The following STK32B variants were observed in gnomAD, a reference collection of about 807,000 sequenced individuals.
STK32B encodes the protein serine/threonine kinase 32B, also known as serine/threonine-protein kinase 32B.
In STK32B, 43 loss-of-function variants were observed where a neutral mutation model predicts 52.6. That is an observed-to-expected ratio of 0.82 (90% CI 0.64 to 1.05). The LOEUF (loss-of-function observed/expected upper bound fraction) is 1.05, where lower values mean the gene tolerates loss of function less well. Among genes scored for constraint, STK32B ranks in the 50% least tolerant of loss-of-function variants. The pLI is 0.00. For synonymous variants in STK32B, 238 were observed against 204.3 expected, an observed-to-expected ratio of 1.17 and a Z score of -1.41; for missense variants, 621 against 534.6, an observed-to-expected ratio of 1.16 and a Z score of -1.59.
rs61729661 is a variant in STK32B, at chr4:5,499,006, C to A, written c.1168C>A (p.Gln390Lys). 1,969 of 1,613,882 alleles carry A rather than the reference C, an allele frequency of 1.2e-3. 20 individuals carry two copies. In the African/African-American group the frequency reaches 0.022, roughly 18 times the overall value. ...LLDTDSRGGG[Q>K]AQSKLQDGCN... The stretch of plus-strand genomic sequence containing the variant: ...GGACACCGACAGCCGAGGGGGAGGC[C>A]AGGCCCAAAGCAAGCTCCAGGACGG... The change falls in exon 12 of 12, where the codon CAG (glutamine) becomes AAG (lysine). Residue 390 changes from glutamine to lysine, a missense_variant. Transcript: ENST00000282908.
chr4:5,246,725 T>C (rs1322364525), intron 3 of STK32B, among the ~76,000 whole-genome samples: 1 of 152,246 alleles, frequency 6.6e-6, no homozygotes, highest in Admixed American at 6.5e-5. Flanking sequence ...TGGTCTTTGA[T>C]GATGGTGACA....
intron 3 of STK32B, among the ~76,000 whole-genome samples, chr4:5,196,334 GTTTTTT>G (rs35605834): frequency 3.4e-5 from 3 of 87,714 alleles, no homozygotes; most frequent in African/African-American, 5.2e-5. Flanking sequence ...TCTTTCTTCA[GTTTTTT>G]TTTTTTTTTT....
At chr4:5,120,397 A>G (rs1714963781) in intron 1 of STK32B, among the ~76,000 whole-genome samples, 1 of 152,200 alleles carries the variant, frequency 6.6e-6, no homozygotes, top group South Asian at 2.1e-4. Context: ...ACAAGAAGAG[A>G]TTTTGAAAGA....
intron 3 of STK32B, among the ~76,000 whole-genome samples, chr4:5,189,158 C>T (rs908904156): frequency 1.3e-5 from 2 of 152,160 alleles, no homozygotes; most frequent in African/African-American, 2.4e-5. Context: ...GGTGGCACAT[C>T]ACTATCACCC....
chr4:5,062,439 T>C (rs1384274265), intron 1 of STK32B, among the ~76,000 whole-genome samples: 1 of 152,188 alleles, frequency 6.6e-6, no homozygotes, highest in Non-Finnish European at 1.5e-5. Context: ...CTGAAGCTCC[T>C]TGAATGTCCT....
chr4:5,033,443 C>T, the STK32B span, among the ~76,000 whole-genome samples: 2,818 of 152,304 alleles, frequency 0.019, 97 homozygotes, highest in African/African-American at 0.065. Context: ...AGCCAACACA[C>T]ACCCCAGGGC....
At chr4:5,052,156 C>T (rs190132842) in intron 1 of STK32B, among the ~76,000 whole-genome samples, 203 of 152,272 alleles carry the variant, frequency 1.3e-3, no homozygotes, top group African/African-American at 4.6e-3. Flanking sequence ...ACTGGGGAGG[C>T]GGCTTCAGAG....
intron 3 of STK32B, among the ~76,000 whole-genome samples, chr4:5,316,853 T>A (rs372321056): frequency 3.1e-3 from 1 of 326 alleles, no homozygotes; most frequent in African/African-American, 0.031. Context: ...TATAATATAT[T>A]ATATATATTA....
At chr4:5,234,312 G>A (rs1003001529) in intron 3 of STK32B, among the ~76,000 whole-genome samples, 8 of 152,186 alleles carry the variant, frequency 5.3e-5, no homozygotes, top group African/African-American at 1.9e-4. Flanking sequence ...TCTGAAATGA[G>A]CTATTGTATA....
chr4:5,486,706 C>A (rs868712088), intron 11 of STK32B, among the ~76,000 whole-genome samples: 1 of 152,218 alleles, frequency 6.6e-6, no homozygotes, highest in East Asian at 1.9e-4. Context: ...GGGAGCTGTA[C>A]ACTGGAGCAG....
chr4:5,172,369 G>T (rs1185679768), intron 3 of STK32B, among the ~76,000 whole-genome samples: 1 of 152,126 alleles, frequency 6.6e-6, no homozygotes, highest in African/African-American at 2.4e-5. Context: ...GTGAGAGAGG[G>T]CATCCGTGTC....
At chr4:5,198,930 T>C (rs1299214344) in intron 3 of STK32B, among the ~76,000 whole-genome samples, 1 of 149,702 alleles carries the variant, frequency 6.7e-6, no homozygotes, top group African/African-American at 2.6e-5. Context: ...CCTTCCTAAT[T>C]ATGTACTTTT....
chr4:5,442,970 A>T (rs1261711003), intron 6 of STK32B, among the ~76,000 whole-genome samples: 3 of 151,648 alleles, frequency 2.0e-5, no homozygotes, highest in Non-Finnish European at 4.4e-5. Context: ...CTGCCGAGAG[A>T]TCCGCTGTTA....
chr4:5,253,733 T>C (rs933199823), intron 3 of STK32B, among the ~76,000 whole-genome samples: 7 of 152,106 alleles, frequency 4.6e-5, no homozygotes, highest in Non-Finnish European at 7.4e-5. Context: ...ACAATGTACA[T>C]AGAGTTAACA....
At chr4:5,480,439 C>A (rs1362152762) in intron 11 of STK32B, among the ~76,000 whole-genome samples, 1 of 152,106 alleles carries the variant, frequency 6.6e-6, no homozygotes, top group African/African-American at 2.4e-5. Flanking sequence ...CAGGACAACT[C>A]AAAGCAGGGT....
At chr4:5,048,896 C>T (rs1281796409), upstream of STK32B, among the ~76,000 whole-genome samples, 2 of 152,224 alleles carry the variant, frequency 1.3e-5, no homozygotes, top group African/African-American at 4.8e-5. Flanking sequence ...CAGAGTCAGG[C>T]ACATTCTCTA....
chr4:5,268,537 T>TGG (rs1281194946), intron 3 of STK32B, among the ~76,000 whole-genome samples: 16 of 126,508 alleles, frequency 1.3e-4, no homozygotes, highest in African/African-American at 4.4e-4. Context: ...TTGCTTGGTG[T>TGG]GGTGTGTGTG....
chr4:5,429,561 A>ATG (rs1157775861), intron 6 of STK32B, among the ~76,000 whole-genome samples: 2 of 88,220 alleles, frequency 2.3e-5, no homozygotes, highest in Non-Finnish European at 4.2e-5. Context: ...TACTATAAAT[A>ATG]TATGTCATTG....
At chr4:5,020,306 T>C in the STK32B span, among the ~76,000 whole-genome samples, 1 of 152,192 alleles carries the variant, frequency 6.6e-6, no homozygotes, top group Non-Finnish European at 1.5e-5. Flanking sequence ...GCAAGTTTCT[T>C]CAGTGTTTCC....
Sources: allele counts gnomAD v4.1 joint callset (sites outside exome capture counted in the v4.1 genomes callset), GRCh38; gene constraint gnomAD v4.1.1; transcripts MANE v1.5; gene names NCBI Gene and HGNC (gene_info 2026-07-23, HGNC 2026-07-21).